Variants in DMXL2 observed in about 807,000 individuals in gnomAD.
The protein encoded by DMXL2 is dmX-like protein 2.
DMXL2 carries 103 observed loss-of-function variants against 331.1 expected under a neutral mutation model. The observed-to-expected ratio is 0.31, with a 90% CI of 0.27 to 0.37. The LOEUF is 0.37. Ranked by LOEUF, DMXL2 falls within the 10% of genes least tolerant of loss-of-function variation. The pLI is 1.00. For synonymous variants in DMXL2, 1,281 were observed against 1,252.1 expected (o/e 1.02, Z -0.49); for missense variants, 3,171 against 3,642.9 (o/e 0.87, Z 3.33).
intron 25 of DMXL2, among the ~76,000 whole-genome samples, chr15:51,479,169 G>T (rs896642025): frequency 1.3e-5 from 2 of 152,124 alleles, no homozygotes; most frequent in Admixed American, 6.5e-5. Context: ...ACTAATACAG[G>T]TTAATTCATA....
intron 16 of DMXL2, among the ~76,000 whole-genome samples, chr15:51,506,603 G>A (rs1057117282): frequency 2.0e-5 from 3 of 151,868 alleles, no homozygotes; most frequent in East Asian, 3.9e-4. Context: ...ACAGGCGCCC[G>A]CCACCACGCC....
intron 1 of DMXL2, among the ~76,000 whole-genome samples, chr15:51,595,525 C>G (rs1377208920): frequency 6.6e-6 from 1 of 152,190 alleles, no homozygotes; most frequent in African/African-American, 2.4e-5. Flanking sequence ...CAATGCCATC[C>G]ATCAAGCTAC....
At chr15:51,556,126 G>A (rs1037544680) in intron 6 of DMXL2, among the ~76,000 whole-genome samples, 5 of 151,290 alleles carry the variant, frequency 3.3e-5, no homozygotes, top group South Asian at 2.1e-4. Flanking sequence ...GGTGGATCAC[G>A]AGGTCAGGAG....
chr15:51,526,447 AC>A (rs1212709987), intron 13 of DMXL2, among the ~76,000 whole-genome samples: 1 of 152,204 alleles, frequency 6.6e-6, no homozygotes, highest in Admixed American at 6.5e-5. Flanking sequence ...GTAAGCTCAG[AC>A]TGTGAAGATT....
intron 1 of DMXL2, among the ~76,000 whole-genome samples, chr15:51,601,987 T>C (rs1458539711): frequency 6.6e-6 from 1 of 152,180 alleles, no homozygotes; most frequent in East Asian, 1.9e-4. Context: ...GTATGAAAAA[T>C]GACATCATAG....
intron 1 of DMXL2, among the ~76,000 whole-genome samples, chr15:51,590,853 ACAG>A (rs1191646281): frequency 1.3e-5 from 2 of 152,056 alleles, no homozygotes; most frequent in Admixed American, 6.5e-5. Flanking sequence ...TTTTGCTAGG[ACAG>A]GAGGAGAGAG....
At chr15:51,523,829 G>A (rs1175466687) in intron 13 of DMXL2, among the ~76,000 whole-genome samples, 1 of 152,220 alleles carries the variant, frequency 6.6e-6, no homozygotes, top group Non-Finnish European at 1.5e-5. Context: ...AAAACTATGT[G>A]AAGCAAAAAC....
At chr15:51,593,062 C>T (rs2052515423) in intron 1 of DMXL2, among the ~76,000 whole-genome samples, 1 of 152,112 alleles carries the variant, frequency 6.6e-6, no homozygotes, top group East Asian at 1.9e-4. Flanking sequence ...TCACACCTGA[C>T]AATATTAACC....
rs771795739 is a variant in DMXL2 at position 51,480,885 on chromosome 15, T to C, written c.6221A>G (p.Tyr2074Cys). 13 of 1,612,992 alleles carry C rather than the reference T, an allele frequency of 8.1e-6. No individual in the cohort carries two copies. The South Asian group carries it at 1.4e-4, about 18-fold the overall frequency. ...AGCAATTTCCTTTTCAAGCCAGTTATAGAGTTGAAATCTGAGTTTTCCTCC... is the reference window on the plus strand; with the variant it reads ...AGCAATTTCCTTTTCAAGCCAGTTACAGAGTTGAAATCTGAGTTTTCCTCC... ...VDGGKLRFQL[Y>C]NWLEKEIAAL... The change falls in exon 24 of 44, where the codon TAT becomes TGT. Residue 2074 changes from tyrosine to cysteine, a missense_variant. By Grantham distance (194) the Tyr-to-Cys change is radical (BLOSUM62 -2). Transcript: ENST00000560891.
At chr15:51,554,268 A>G (rs929437373) in intron 6 of DMXL2, among the ~76,000 whole-genome samples, 1 of 152,230 alleles carries the variant, frequency 6.6e-6, no homozygotes, top group Non-Finnish European at 1.5e-5. Context: ...GACTGGCTTT[A>G]TTAATCACTT....
At chr15:51,594,033 A>C (rs2052599289) in intron 1 of DMXL2, among the ~76,000 whole-genome samples, 2 of 152,224 alleles carry the variant, frequency 1.3e-5, no homozygotes, top group East Asian at 3.8e-4. Context: ...AACACAGTCA[A>C]AAGCTAGCAG....
At chr15:51,514,253 T>C (rs546810565) in intron 15 of DMXL2, among the ~76,000 whole-genome samples, 189 bp downstream of exon 15, 2 of 152,264 alleles carry the variant, frequency 1.3e-5, no homozygotes, top group Admixed American at 6.5e-5. Context: ...CACCAATGAA[T>C]TGTCTTGCAA....
intron 1 of DMXL2, among the ~76,000 whole-genome samples, chr15:51,591,080 T>C (rs764652203): frequency 6.6e-6 from 1 of 152,122 alleles, no homozygotes. Context: ...TGTCGGAAAG[T>C]GGATGCAGGA....
intron 15 of DMXL2, among the ~76,000 whole-genome samples, chr15:51,511,869 G>A (rs2046776893): frequency 1.3e-5 from 2 of 152,316 alleles, no homozygotes; most frequent in South Asian, 4.1e-4. Context: ...CATAAAAAAG[G>A]ATGAGTTCAT....
chr15:51,509,993 A>T (rs949514863), intron 15 of DMXL2, among the ~76,000 whole-genome samples: 1 of 152,230 alleles, frequency 6.6e-6, no homozygotes, highest in Admixed American at 6.5e-5. Context: ...AAGGCCTTTG[A>T]TAAAATTCAA....
intron 1 of DMXL2, among the ~76,000 whole-genome samples, chr15:51,579,802 G>T (rs1198897611): frequency 2.6e-5 from 4 of 152,138 alleles, no homozygotes; most frequent in Non-Finnish European, 5.9e-5. Flanking sequence ...TCTACTAGAA[G>T]AGAATCTACC....
chr15:51,448,995 C>T lies in DMXL2; in HGVS notation c.9166G>A (p.Asp3056Asn), dbSNP rs1428943353. The T allele has an allele frequency of 6.2e-7, 1 of 1,613,854 alleles. No homozygotes were observed. The highest frequency in any genetic ancestry group is 8.5e-7 in the Non-Finnish European group (1 of 1,179,998). ...TAAAACCCCAATCTTTATAGAATGT[C>T]AAGAATTCTGTTAGGGATGTTAAAA... is the stretch of plus-strand genomic sequence containing the variant. ...NAFNIPNRILDIL is the reference protein window; with the variant it reads ...NAFNIPNRILNIL The change falls in exon 44 of 44, where the codon GAC (aspartate) becomes AAC (asparagine). Residue 3056 changes from aspartate to asparagine, a missense_variant. This residue lies in a region of DMXL2 where 766 missense variants were observed against 940.5 expected (regional missense o/e 0.81). Transcript: ENST00000560891.
At chr15:51,502,397 A>G (rs2043727304) in intron 17 of DMXL2, among the ~76,000 whole-genome samples, 1 of 150,664 alleles carries the variant, frequency 6.6e-6, no homozygotes, top group African/African-American at 2.5e-5. Context: ...ATGTCAGCTC[A>G]CTGCCGCCTC....
chr15:51,532,700 CAACT>C (rs1303391158), intron 13 of DMXL2, among the ~76,000 whole-genome samples: 1 of 152,114 alleles, frequency 6.6e-6, no homozygotes, highest in African/African-American at 2.4e-5. Context: ...TTTAAACCTG[CAACT>C]AACATTATAT....
Sources: gnomAD v4.1 joint callset for allele counts (sites outside exome capture counted in the v4.1 genomes callset) on GRCh38, gnomAD v4.1.1 for gene constraint, gnomAD v4.1.1 regional missense constraint, MANE v1.5 for transcripts, NCBI Gene and HGNC (gene_info 2026-07-23, HGNC 2026-07-21) for gene names.